CCDC60: variants seen among roughly 807,000 people sequenced by gnomAD.
The protein encoded by CCDC60 is coiled-coil domain containing 60.
In CCDC60, 54 loss-of-function variants were observed where a neutral mutation model predicts 63.5. The ratio of observed to expected loss-of-function variants is 0.85; its 90% CI spans 0.68 to 1.07. The LOEUF is 1.07. Among genes scored for constraint, CCDC60 ranks in the 50% least tolerant of loss-of-function variants. CCDC60 has a pLI of 0.00. For missense variants in CCDC60, 651 were observed against 684.3 expected, an observed-to-expected ratio of 0.95 and a Z score of 0.54; for synonymous variants, 206 against 238.8, an observed-to-expected ratio of 0.86 and a Z score of 1.27.
chr12:119,426,567 C>T (rs1268335770), intron 1 of CCDC60, among the ~76,000 whole-genome samples: 1 of 152,070 alleles, frequency 6.6e-6, no homozygotes, highest in African/African-American at 2.4e-5. Context: ...TCATGTTGCC[C>T]TGTCTGGTCT....
At chr12:119,395,816 G>A (rs1416289958) in intron 1 of CCDC60, among the ~76,000 whole-genome samples, 2 of 152,172 alleles carry the variant, frequency 1.3e-5, no homozygotes, top group Non-Finnish European at 2.9e-5. Context: ...AAGCTCTCAT[G>A]TTCCATGTCT....
At chr12:119,526,922 C>T (rs1952692393) in intron 11 of CCDC60, among the ~76,000 whole-genome samples, 1 of 152,148 alleles carries the variant, frequency 6.6e-6, no homozygotes, top group African/African-American at 2.4e-5. Flanking sequence ...TATATACTAC[C>T]CAAAGGAATA....
chr12:119,447,042 G>C (rs562474126), intron 2 of CCDC60, among the ~76,000 whole-genome samples: 1 of 152,268 alleles, frequency 6.6e-6, no homozygotes. Flanking sequence ...CTGGGGATCA[G>C]GCAGTTAAGG....
intron 1 of CCDC60, among the ~76,000 whole-genome samples, chr12:119,428,394 T>G (rs1049266702): frequency 2.6e-5 from 4 of 152,178 alleles, no homozygotes; most frequent in African/African-American, 7.2e-5. Flanking sequence ...CTGAAGAAAT[T>G]GAGGCCCAAA....
chr12:119,391,195 G>A (rs887462645), intron 1 of CCDC60, among the ~76,000 whole-genome samples: 2 of 152,226 alleles, frequency 1.3e-5, no homozygotes, highest in Non-Finnish European at 2.9e-5. Context: ...CTAAGCCACA[G>A]TAGGACCAGC....
At chr12:119,369,109 G>A (rs922948285) in intron 1 of CCDC60, among the ~76,000 whole-genome samples, 3 of 152,158 alleles carry the variant, frequency 2.0e-5, no homozygotes, top group Non-Finnish European at 4.4e-5. Context: ...GATACAGGAG[G>A]TAAAAGCAGG....
chr12:119,345,006 A>C (rs1249327745), intron 1 of CCDC60, among the ~76,000 whole-genome samples: 3 of 152,054 alleles, frequency 2.0e-5, no homozygotes, highest in Admixed American at 2.0e-4. Flanking sequence ...GCACCATAAA[A>C]TTCCCCTTTG....
chr12:119,487,598 C>T (rs1286590676), intron 4 of CCDC60, among the ~76,000 whole-genome samples: 1 of 151,754 alleles, frequency 6.6e-6, no homozygotes, highest in Non-Finnish European at 1.5e-5. Context: ...TGCCTGGCCT[C>T]GTTGTGAGCT....
intron 11 of CCDC60, among the ~76,000 whole-genome samples, chr12:119,528,304 G>T (rs918585210): frequency 5.3e-5 from 8 of 151,954 alleles, no homozygotes; most frequent in African/African-American, 1.7e-4. Context: ...CTCACCTCTG[G>T]AAAATAGGAA....
chr12:119,505,850 A>G (rs1224226087), intron 7 of CCDC60, among the ~76,000 whole-genome samples: 3 of 152,212 alleles, frequency 2.0e-5, no homozygotes, highest in Admixed American at 6.5e-5. Flanking sequence ...GGAAGACTCC[A>G]TCTCAAAAAA....
intron 4 of CCDC60, among the ~76,000 whole-genome samples, chr12:119,487,004 C>T (rs189372008): frequency 7.9e-5 from 12 of 152,052 alleles, no homozygotes; most frequent in East Asian, 3.9e-4. Context: ...AGAAATCTTG[C>T]GGGGAGGGGG....
At chr12:119,363,540 A>G (rs1955812539) in intron 1 of CCDC60, among the ~76,000 whole-genome samples, 1 of 152,144 alleles carries the variant, frequency 6.6e-6, no homozygotes, top group Non-Finnish European at 1.5e-5. Context: ...TCTTTTTATT[A>G]TAGTTGGAGC....
At chr12:119,385,410 T>C (rs895540692) in intron 1 of CCDC60, among the ~76,000 whole-genome samples, 2 of 152,208 alleles carry the variant, frequency 1.3e-5, no homozygotes, top group African/African-American at 4.8e-5. Flanking sequence ...AATTGAATCA[T>C]GGGGGCAGTT....
At chr12:119,506,647 T>G (rs1171641485) in intron 7 of CCDC60, among the ~76,000 whole-genome samples, 1 of 150,800 alleles carries the variant, frequency 6.6e-6, no homozygotes, top group Non-Finnish European at 1.5e-5. Flanking sequence ...GAAGGGGGAA[T>G]GGGGAAGGGA....
At chr12:119,411,431 C>T (rs944255033) in intron 1 of CCDC60, among the ~76,000 whole-genome samples, 7 of 150,796 alleles carry the variant, frequency 4.6e-5, no homozygotes, top group African/African-American at 7.3e-5. Context: ...GTTCTGAACC[C>T]GGGAGGCGGA....
In CCDC60 at chr12:119,477,382, C is replaced by A. The variant is rs190749598; in HGVS notation, c.342-1712C>A. Among the ~76,000 whole-genome samples, 774 of 152,274 alleles carry A rather than the reference C, an allele frequency of 5.1e-3. 7 individuals are homozygous for A. Among genetic ancestry groups the A allele is most frequent in the Non-Finnish European group, 8.3e-3 (565 of 68,030 alleles). On this transcript the variant is annotated intron_variant, in intron 3 of 13. Transcript: ENST00000327554. ...ACTTCCTCAAGGAAGTACAGTATTCCCTGGTTTCCATTTCAGTCAAATTTA... is the reference window on the plus strand; with the variant it reads ...ACTTCCTCAAGGAAGTACAGTATTCACTGGTTTCCATTTCAGTCAAATTTA...
chr12:119,450,174 T>C (rs1950605105), intron 2 of CCDC60, among the ~76,000 whole-genome samples: 1 of 151,352 alleles, frequency 6.6e-6, no homozygotes. Context: ...GAAAGTGAAT[T>C]ATTGCGTGTT....
At position 119,335,193 on chromosome 12, in the gene CCDC60, C is replaced by A. The variant is rs758733386; in HGVS notation, c.17C>A (p.Ala6Asp). 4 of 1,606,142 alleles carry A rather than the reference C, an allele frequency of 2.5e-6. No individual in the cohort carries two copies. The highest frequency in any genetic ancestry group is 3.4e-6 in the Non-Finnish European group (4 of 1,176,914). ...ATTTTTAAGATGACCAAGGTTCCAG[C>A]CACCAAGAAGCTTCAGAGTTCCCCC... The part of the protein sequence containing the change: MTKVP[A>D]TKKLQSSPNS... Residue 6 changes from alanine to aspartate, a missense_variant, in exon 1 of 14, where the codon GCC becomes GAC. Physicochemically the swap from Ala to Asp is moderately radical, Grantham distance 126. Coordinates refer to ENST00000327554, the MANE Select transcript of CCDC60 (RefSeq NM_178499.5).
rs565414338 is a variant in CCDC60 at position 119,464,736 on chromosome 12, G to T, written c.171-7258G>T. On this transcript the variant is annotated intron_variant, in intron 2 of 13. Transcript: ENST00000327554. ...CAGTAAGATACCAAATTATAAACAGGACCTAAAGCTACACTGGACAAGGAT... is the reference window on the plus strand; with the variant it reads ...CAGTAAGATACCAAATTATAAACAGTACCTAAAGCTACACTGGACAAGGAT... Among the ~76,000 whole-genome samples the T allele has an allele frequency of 7.2e-5, 11 of 152,144 alleles. No individual in the cohort carries two copies. The South Asian group carries it at 2.3e-3, about 32-fold the overall frequency.
Sources: allele counts gnomAD v4.1 joint callset (sites outside exome capture counted in the v4.1 genomes callset), GRCh38; gene constraint gnomAD v4.1.1; transcripts MANE v1.5; gene names NCBI Gene and HGNC (gene_info 2026-07-23, HGNC 2026-07-21).